FYB1: variants seen among roughly 807,000 people sequenced by gnomAD.
FYB1 encodes FYN-binding protein 1.
Under a neutral mutation model 94.1 loss-of-function variants are expected in FYB1, and 41 were observed. The ratio of observed to expected loss-of-function variants is 0.44; its 90% CI spans 0.34 to 0.57. FYB1 has a LOEUF of 0.57. FYB1 is among the 20% of genes least tolerant of loss of function. The probability of loss-of-function intolerance (pLI) is 0.02; values close to 1 mark genes in which losing one functional copy is unlikely to be tolerated. For synonymous variants in FYB1, 367 were observed against 353.2 expected (o/e 1.04, Z -0.44); for missense variants, 1,050 against 976.8 (o/e 1.07, Z -1.00).
At chr5:39,259,684 T>A (rs1405749005) in intron 1 of FYB1, among the ~76,000 whole-genome samples, 2 of 152,188 alleles carry the variant, frequency 1.3e-5, no homozygotes, top group African/African-American at 4.8e-5. Context: ...ACTTTAAGAA[T>A]TTAGGATTCA....
In FYB1 at chr5:39,260,838, C is replaced by T. The variant is rs566796356; in HGVS notation, c.-28+13565G>A. 3.1e-3 allele frequency among the ~76,000 whole-genome samples: 476 copies of T among 152,160 alleles called. 5 individuals are homozygous for T. The highest frequency in any genetic ancestry group is 9.6e-4 in the Non-Finnish European group (65 of 68,010). On this transcript the variant is annotated intron_variant, in intron 1 of 1. Transcript: ENST00000510188. Reference sequence around the variant, plus strand: ...TGACCCTGAATGCGTGGGGATTATACATCCTCATAAATTCTGCCCTGTTTA... The same window carrying T: ...TGACCCTGAATGCGTGGGGATTATATATCCTCATAAATTCTGCCCTGTTTA...
At position 39,202,996 on chromosome 5, in the gene FYB1, A is replaced by G. The variant is rs1378582003; in HGVS notation, c.-27-9T>C. On this transcript the variant is annotated splice_polypyrimidine_tract_variant and intron_variant, in intron 1 of 18. Transcript: ENST00000512982. ...ACATCTGCCTTTCCATCCTACAAAC[A>G]TAGGGAACAAAAAATAGCTGAGAGA... is the stretch of plus-strand genomic sequence containing the variant. 3.1e-6 allele frequency: 5 copies of G among 1,610,746 alleles called. No homozygotes were observed. Among genetic ancestry groups the G allele is most frequent in the South Asian group, 2.2e-5 (2 of 91,000 alleles).
At chr5:39,166,676 A>G (rs1482203770) in intron 2 of FYB1, among the ~76,000 whole-genome samples, 4 of 151,524 alleles carry the variant, frequency 2.6e-5, no homozygotes, top group Admixed American at 6.6e-5. Flanking sequence ...GGTAGAGGAC[A>G]TTATCTTAAA....
At chr5:39,137,537 C>T in intron 7 of FYB1, 63 bp downstream of exon 7, 1 of 1,493,484 alleles carries the variant, frequency 6.7e-7, no homozygotes, top group Non-Finnish European at 8.9e-7. Context: ...AGAATGGTAC[C>T]CCTTTTGTGT....
At chr5:39,204,623 G>C (rs538436734) in intron 1 of FYB1, among the ~76,000 whole-genome samples, 1 of 152,080 alleles carries the variant, frequency 6.6e-6, no homozygotes, top group African/African-American at 2.4e-5. Flanking sequence ...ATTTCTTTTT[G>C]TATCCCTGCA....
At position 39,202,017 on chromosome 5, in the gene FYB1, T is replaced by A. The variant is rs1748369614; in HGVS notation, c.944A>T (p.Lys315Met). Residue 315 changes from lysine to methionine, a missense_variant, in exon 2 of 19, where the codon AAG becomes ATG. Coordinates refer to ENST00000512982, the MANE Select transcript of FYB1 (RefSeq NM_001465.6). ...CCCCACTGTCAGCTTAGAAGGGGCC[T>A]TAGGGAACCTGGCAGGAGGAGTCCC... ...ASGTPPARFP[K>M]APSKLTVGGP... 3.1e-6 allele frequency: 5 copies of A among 1,614,038 alleles called. No individual in the cohort carries two copies. The highest frequency in any genetic ancestry group is 4.2e-6 in the Non-Finnish European group (5 of 1,179,898).
intron 16 of FYB1, among the ~76,000 whole-genome samples, chr5:39,115,415 G>A (rs1739472549): frequency 6.6e-6 from 1 of 151,994 alleles, no homozygotes. Context: ...ATTTATTCAG[G>A]GAATGACAAG....
intron 3 of FYB1, among the ~76,000 whole-genome samples, chr5:39,148,998 G>C (rs1743015149): frequency 6.6e-6 from 1 of 152,096 alleles, no homozygotes; most frequent in African/African-American, 2.4e-5. Flanking sequence ...GTGTTGATTT[G>C]AACATTAAAA....
intron 9 of FYB1, among the ~76,000 whole-genome samples, chr5:39,133,014 A>C (rs1324911224): frequency 6.6e-6 from 1 of 152,218 alleles, no homozygotes; most frequent in Non-Finnish European, 1.5e-5. Context: ...TGCATAATTT[A>C]TGTTTAGAAC....
chr5:39,147,538 A>G (rs1228073337), intron 3 of FYB1, among the ~76,000 whole-genome samples: 2 of 150,990 alleles, frequency 1.3e-5, no homozygotes, highest in Non-Finnish European at 2.9e-5. Context: ...GGCCTCAACT[A>G]CTTTATTTTC....
At chr5:39,182,503 G>T (rs1461623326) in intron 2 of FYB1, among the ~76,000 whole-genome samples, 1 of 152,092 alleles carries the variant, frequency 6.6e-6, no homozygotes, top group Non-Finnish European at 1.5e-5. Flanking sequence ...TTACATAAAG[G>T]CTTTCAAAAA....
At chr5:39,199,289 C>T (rs181026558) in intron 2 of FYB1, among the ~76,000 whole-genome samples, 10 of 151,976 alleles carry the variant, frequency 6.6e-5, no homozygotes, top group African/African-American at 2.4e-4. Context: ...TTTAACCTTC[C>T]TAAATGAAAT....
At chr5:39,249,222 C>A (rs113576685) in intron 1 of FYB1, among the ~76,000 whole-genome samples, 1,754 of 152,266 alleles carry the variant, frequency 0.012, 49 homozygotes, top group African/African-American at 0.04. Flanking sequence ...CAAAGAATGC[C>A]AGCCTTACAT....
intron 1 of FYB1, among the ~76,000 whole-genome samples, chr5:39,247,001 C>T (rs1751502729): frequency 6.9e-6 from 1 of 145,120 alleles, no homozygotes; most frequent in African/African-American, 2.6e-5. Context: ...GACAATAGTA[C>T]CTATCTTGTA....
intron 1 of FYB1, among the ~76,000 whole-genome samples, chr5:39,267,297 G>A (rs1253115923): frequency 1.3e-5 from 2 of 152,174 alleles, no homozygotes; most frequent in East Asian, 1.9e-4. Context: ...GCATGTGCCT[G>A]TATTATCACA....
At chr5:39,240,500 GT>G (rs1351574697) in intron 1 of FYB1, among the ~76,000 whole-genome samples, 1 of 152,118 alleles carries the variant, frequency 6.6e-6, no homozygotes, top group Admixed American at 6.6e-5. Context: ...CCATTAAAAA[GT>G]GGGCAAAGGA....
At chr5:39,127,189 A>G (rs916836736) in intron 11 of FYB1, among the ~76,000 whole-genome samples, 1 of 151,436 alleles carries the variant, frequency 6.6e-6, no homozygotes, top group African/African-American at 2.4e-5. Context: ...ATTATTATAA[A>G]TGAACAGATA....
At chr5:39,267,374 A>G (rs963435181) in intron 1 of FYB1, among the ~76,000 whole-genome samples, 8 of 125,046 alleles carry the variant, frequency 6.4e-5, no homozygotes, top group Non-Finnish European at 1.4e-4. Flanking sequence ...CATCATCATC[A>G]TCATCATCAT....
intron 2 of FYB1, among the ~76,000 whole-genome samples, chr5:39,183,984 TATA>T (rs1407930502): frequency 6.6e-6 from 1 of 152,200 alleles, no homozygotes; most frequent in African/African-American, 2.4e-5. Context: ...AAGGAAATTT[TATA>T]ATAGGTATCA....
Sources: gnomAD v4.1 joint callset for allele counts (sites outside exome capture counted in the v4.1 genomes callset) on GRCh38, gnomAD v4.1.1 for gene constraint, MANE v1.5 for transcripts, NCBI Gene and HGNC (gene_info 2026-07-23, HGNC 2026-07-21) for gene names.